PARP8: variants seen among roughly 807,000 people sequenced by gnomAD.
PARP8 encodes protein mono-ADP-ribosyltransferase PARP8.
PARP8 carries 51 observed loss-of-function variants against 124.1 expected under a neutral mutation model. That is an observed-to-expected ratio of 0.41 (90% CI 0.33 to 0.52). PARP8 has a LOEUF of 0.52. Among genes scored for constraint, PARP8 ranks in the 20% least tolerant of loss-of-function variants. The pLI, the probability that PARP8 is intolerant of heterozygous loss-of-function variation, is 0.21. For synonymous variants in PARP8, 391 were observed against 361.5 expected, an observed-to-expected ratio of 1.08 and a Z score of -0.93; for missense variants, 860 against 1,018.9, an observed-to-expected ratio of 0.84 and a Z score of 2.12.
intron 2 of PARP8, among the ~76,000 whole-genome samples, chr5:50,726,043 C>G (rs2149511232): frequency 6.6e-6 from 1 of 152,212 alleles, no homozygotes; most frequent in East Asian, 1.9e-4. Context: ...AAGCTGACAA[C>G]TTGATTGCTT....
chr5:50,728,530 C>CA (rs1756659970), intron 2 of PARP8, among the ~76,000 whole-genome samples: 1 of 151,914 alleles, frequency 6.6e-6, no homozygotes, highest in African/African-American at 2.4e-5. Context: ...ATAGGAATCA[C>CA]ACGTTTAAAT....
Position 50,750,201 on chromosome 5 carries a change from T to A in PARP8, c.184+13T>A. 6.3e-7 allele frequency: 1 copy of A among 1,575,864 alleles called. No individual in the cohort carries two copies. Among genetic ancestry groups the A allele is most frequent in the Non-Finnish European group, 8.7e-7 (1 of 1,146,504 alleles). ...GAAGATTACCCAGGTATGCTTTTCT[T>A]GTTTTATTACAGATATTCGTATCAG... On this transcript the variant is annotated intron_variant, in intron 3 of 25. Coordinates refer to ENST00000281631, the MANE Select transcript of PARP8 (RefSeq NM_024615.4).
intron 2 of PARP8, among the ~76,000 whole-genome samples, chr5:50,713,231 T>A (rs900194136): frequency 1.5e-4 from 23 of 151,640 alleles, no homozygotes; most frequent in Non-Finnish European, 2.8e-4. Flanking sequence ...CAATAAACTT[T>A]AGATATTATT....
At chr5:50,732,425 G>A (rs899957963) in intron 2 of PARP8, among the ~76,000 whole-genome samples, 1 of 152,068 alleles carries the variant, frequency 6.6e-6, no homozygotes, top group Non-Finnish European at 1.5e-5. Context: ...TGCTAAAAAC[G>A]GTTCAAAGAA....
rs555837296 is a variant in PARP8 at position 50,774,616 on chromosome 5, G to A, written c.519-3453G>A. On this transcript the variant is annotated intron_variant, in intron 7 of 25. Transcript: ENST00000281631. ...CCAGACAGGGCGGCCGGGCAGAGGC[G>A]CTCCTCACTTCCCAGACGGGGCGGC... Among the ~76,000 whole-genome samples the A allele has an allele frequency of 2.2e-3, 304 of 136,482 alleles. 1 individual carries two copies. Among genetic ancestry groups the A allele is most frequent in the African/African-American group, 8.2e-3 (288 of 35,210 alleles). 89.5% of individuals were successfully genotyped at this position (136,482 alleles called of 152,430 possible). A position where few individuals can be genotyped will look rare whatever the true frequency, so the allele number is the denominator to read the frequency against.
chr5:50,742,646 A>C (rs1311671200), intron 2 of PARP8, among the ~76,000 whole-genome samples: 1 of 152,200 alleles, frequency 6.6e-6, no homozygotes, highest in Non-Finnish European at 1.5e-5. Flanking sequence ...AACTAGGAAG[A>C]AAAAGTAAGG....
In PARP8 at chr5:50,778,527, T is replaced by C. The variant is rs373107495; in HGVS notation, c.580-33T>C. On this transcript the variant is annotated intron_variant, in intron 8 of 25. Coordinates refer to ENST00000281631, the MANE Select transcript of PARP8 (RefSeq NM_024615.4). The stretch of plus-strand genomic sequence containing the variant: ...TTTTTTCATTTTGAACTCTAAAAGA[T>C]GATTAATTCATCTTTTAAATATATT... 12 of 1,516,854 alleles carry C rather than the reference T, an allele frequency of 7.9e-6. No individual in the cohort carries two copies. In the African/African-American group the frequency reaches 1.5e-4, roughly 19 times the overall value. The allele number at this position is 1,516,854 out of a possible 1,614,324, so 94.0% of individuals were successfully genotyped here.
intron 7 of PARP8, among the ~76,000 whole-genome samples, chr5:50,772,386 C>T (rs1295464506): frequency 6.6e-6 from 1 of 152,184 alleles, no homozygotes; most frequent in Non-Finnish European, 1.5e-5. Flanking sequence ...AACTGCTGGG[C>T]CACATGGTGG....
At chr5:50,801,304 G>A (rs1227261205) in intron 14 of PARP8, among the ~76,000 whole-genome samples, 7 of 151,928 alleles carry the variant, frequency 4.6e-5, no homozygotes, top group Non-Finnish European at 8.8e-5. Context: ...TCTTCGTGTT[G>A]GTCAGTCTGG....
intron 17 of PARP8, among the ~76,000 whole-genome samples, chr5:50,824,453 G>A (rs1746116710): frequency 6.6e-6 from 1 of 152,174 alleles, no homozygotes; most frequent in South Asian, 2.1e-4. Flanking sequence ...AAGTGAAAAG[G>A]CAAGGAAAAG....
At chr5:50,708,073 C>A (rs1331720615) in intron 2 of PARP8, among the ~76,000 whole-genome samples, 12 of 152,034 alleles carry the variant, frequency 7.9e-5, no homozygotes, top group Admixed American at 6.6e-5. Context: ...AATTGCTTAT[C>A]ATTTTTCCCA....
intron 14 of PARP8, among the ~76,000 whole-genome samples, chr5:50,809,306 G>GAA (rs1469584424): frequency 3.3e-5 from 5 of 151,888 alleles, no homozygotes; most frequent in African/African-American, 9.7e-5. Flanking sequence ...AGTTCTAGAA[G>GAA]ATATTCATAT....
intron 25 of PARP8, among the ~76,000 whole-genome samples, chr5:50,835,606 T>C (rs1017339144): frequency 6.6e-6 from 1 of 152,200 alleles, no homozygotes; most frequent in African/African-American, 2.4e-5. Flanking sequence ...TATGTATATA[T>C]GTATACATGT....
chr5:50,770,013 C>G (rs1473454021), intron 7 of PARP8, among the ~76,000 whole-genome samples: 1 of 151,830 alleles, frequency 6.6e-6, no homozygotes, highest in East Asian at 1.9e-4. Flanking sequence ...CTTGATTTTC[C>G]TGTTTCTATT....
chr5:50,777,993 A>T, intron 7 of PARP8, 76 bp from the exon 8 acceptor site: 2 of 1,115,502 alleles, frequency 1.8e-6, no homozygotes, highest in South Asian at 1.4e-5. Flanking sequence ...TTAAAATTTT[A>T]AATAAAATAA....
At chr5:50,711,071 C>T (rs1754722291) in intron 2 of PARP8, among the ~76,000 whole-genome samples, 1 of 152,062 alleles carries the variant, frequency 6.6e-6, no homozygotes, top group Admixed American at 6.6e-5. Context: ...TTGTTTGTTG[C>T]TACTGGTCGT....
In PARP8 at chr5:50,829,873, C is replaced by T. The variant is rs1413879727; in HGVS notation, c.2164-19C>T. 3 of 1,590,794 alleles carry T rather than the reference C, an allele frequency of 1.9e-6. No homozygotes were observed. In the South Asian group the frequency reaches 3.5e-5, roughly 18 times the overall value. On this transcript the variant is annotated intron_variant, in intron 21 of 25. Coordinates refer to ENST00000281631, the MANE Select transcript of PARP8 (RefSeq NM_024615.4). ...ACCATGAACAGACCTCTCTCTCTCT[C>T]CCACTCTTCCCATCTTAGCTCCATG... is the stretch of plus-strand genomic sequence containing the variant.
chr5:50,794,455 G>T (rs1742299482), intron 11 of PARP8, 123 bp downstream of exon 11: 1 of 1,114,474 alleles, frequency 9.0e-7, no homozygotes. Context: ...TCTAAGAAAA[G>T]ACTGAGTTAG....
chr5:50,756,076 T>G (rs1759912287), intron 3 of PARP8, among the ~76,000 whole-genome samples: 1 of 152,162 alleles, frequency 6.6e-6, no homozygotes, highest in African/African-American at 2.4e-5. Flanking sequence ...TTAGGGAGAT[T>G]TTGGGCTGAG....
Sources: allele counts gnomAD v4.1 joint callset (sites outside exome capture counted in the v4.1 genomes callset), GRCh38; gene constraint gnomAD v4.1.1; transcripts MANE v1.5; gene names NCBI Gene and HGNC (gene_info 2026-07-23, HGNC 2026-07-21).